ADAMTS17: variants seen among roughly 807,000 people sequenced by gnomAD.
ADAMTS17 encodes the protein A disintegrin and metalloproteinase with thrombospondin motifs 17.
A neutral mutation model predicts 141.5 loss-of-function variants in ADAMTS17; 113 were observed. The observed-to-expected ratio is 0.80, with a 90% CI of 0.69 to 0.93. The LOEUF is 0.93. Ranked by LOEUF, ADAMTS17 falls within the 40% of genes least tolerant of loss-of-function variation. ADAMTS17 has a pLI of 0.00. For missense variants in ADAMTS17, 1,659 were observed against 1,517.9 expected (o/e 1.09, Z -1.54); for synonymous variants, 768 against 630.6 (o/e 1.22, Z -3.27).
At chr15:100,323,367 G>T (rs1329286405) in intron 3 of ADAMTS17, among the ~76,000 whole-genome samples, 1 of 152,154 alleles carries the variant, frequency 6.6e-6, no homozygotes, top group African/African-American at 2.4e-5. Flanking sequence ...GTAAACTTGT[G>T]TCTAAATTCT....
chr15:100,164,074 G>C (rs1160479810), intron 8 of ADAMTS17, among the ~76,000 whole-genome samples: 1 of 152,160 alleles, frequency 6.6e-6, no homozygotes, highest in Non-Finnish European at 1.5e-5. Context: ...CAAGTTAACA[G>C]TATCAGGCAC....
chr15:100,175,550 C>CTA (rs1214186990), intron 8 of ADAMTS17, among the ~76,000 whole-genome samples: 2 of 152,190 alleles, frequency 1.3e-5, no homozygotes, highest in Non-Finnish European at 2.9e-5. Context: ...TGAACAGCAG[C>CTA]TGACTTCTAG....
At chr15:100,331,358 AT>A (rs1160931739) in intron 2 of ADAMTS17, among the ~76,000 whole-genome samples, 1 of 152,172 alleles carries the variant, frequency 6.6e-6, no homozygotes, top group Non-Finnish European at 1.5e-5. Flanking sequence ...TTTTAAAATT[AT>A]TTTTTAAGTT....
intron 4 of ADAMTS17, among the ~76,000 whole-genome samples, chr15:100,279,035 C>A (rs1380026571): frequency 1.3e-5 from 2 of 152,208 alleles, no homozygotes; most frequent in East Asian, 3.9e-4. Context: ...GCCCCAGCTA[C>A]ACAACTACCA....
intron 20 of ADAMTS17, chr15:99,979,519 A>C (rs1596142070): frequency 6.6e-6 from 1 of 152,412 alleles, no homozygotes; most frequent in East Asian, 1.9e-4. Flanking sequence ...ACGGAGCCGA[A>C]CGCTAAACGC....
chr15:99,998,748 G>A (rs1406406513), intron 18 of ADAMTS17, among the ~76,000 whole-genome samples: 2 of 152,156 alleles, frequency 1.3e-5, no homozygotes, highest in Admixed American at 6.5e-5. Flanking sequence ...CACACAAAGG[G>A]CTTCCAGTGC....
chr15:100,082,267 T>A (rs911883417), intron 15 of ADAMTS17, among the ~76,000 whole-genome samples: 1 of 152,212 alleles, frequency 6.6e-6, no homozygotes, highest in Non-Finnish European at 1.5e-5. Flanking sequence ...GGTTTTACCA[T>A]GTTAGCCAGG....
In ADAMTS17 at chr15:99,972,668, A is replaced by C. The variant is rs983885122; in HGVS notation, c.*1734T>G. On this transcript the variant is annotated 3_prime_UTR_variant, in exon 22 of 22. Coordinates refer to ENST00000268070, the MANE Select transcript of ADAMTS17 (RefSeq NM_139057.4). ...CGAGGGTGGGCCGCTCCATCCTGAC[A>C]CCCTCGGTTCTTTCCACAGAGCACC... 2 of 152,014 alleles carry C rather than the reference A, an allele frequency of 1.3e-5. No homozygotes were observed. Among genetic ancestry groups the C allele is most frequent in the East Asian group, 3.9e-4 (2 of 5,174 alleles). 9.4% of individuals were successfully genotyped at this position (152,014 alleles called of 1,614,324 possible). A position where few individuals can be genotyped will look rare whatever the true frequency, so the allele number is the denominator to read the frequency against.
At chr15:100,339,001 A>AG (rs1476389358) in intron 2 of ADAMTS17, 1 of 985,384 alleles carries the variant, frequency 1.0e-6, no homozygotes, top group Non-Finnish European at 1.2e-6. Flanking sequence ...GTACGTACAG[A>AG]GGGGGAAGTG....
intron 14 of ADAMTS17, among the ~76,000 whole-genome samples, chr15:100,097,362 C>G (rs993795243): frequency 1.5e-4 from 23 of 152,162 alleles, no homozygotes; most frequent in African/African-American, 4.6e-4. Context: ...ACTTCAGACT[C>G]CAAAGGGATC....
intron 15 of ADAMTS17, among the ~76,000 whole-genome samples, chr15:100,069,525 T>A (rs2033814416): frequency 1.3e-5 from 2 of 152,116 alleles, no homozygotes; most frequent in Admixed American, 1.3e-4. Context: ...GGGAAGCCCA[T>A]CAGACTAACA....
intron 7 of ADAMTS17, among the ~76,000 whole-genome samples, chr15:100,216,066 G>A (rs2041959649): frequency 6.6e-6 from 1 of 152,208 alleles, no homozygotes; most frequent in South Asian, 2.1e-4. Flanking sequence ...ACTGGGGTCT[G>A]CATTTGAGTC....
intron 10 of ADAMTS17, among the ~76,000 whole-genome samples, chr15:100,151,284 A>G (rs961005531): frequency 6.6e-6 from 1 of 152,234 alleles, no homozygotes; most frequent in African/African-American, 2.4e-5. Flanking sequence ...AACAGCCAGT[A>G]GGAGACAACA....
At chr15:100,077,885 T>C (rs1225882450) in intron 15 of ADAMTS17, among the ~76,000 whole-genome samples, 2 of 152,198 alleles carry the variant, frequency 1.3e-5, no homozygotes, top group African/African-American at 2.4e-5. Flanking sequence ...TTAAAAAACC[T>C]ATATGACAGA....
rs2030137362 is a variant in ADAMTS17, at chr15:100,031,271, C to T, written c.2591+17586G>A. Among the ~76,000 whole-genome samples the T allele has an allele frequency of 7.2e-5, 11 of 152,324 alleles. No homozygotes were observed. The South Asian group carries it at 2.3e-3, about 32-fold the overall frequency. On this transcript the variant is annotated intron_variant, in intron 18 of 21. Coordinates refer to ENST00000268070, the MANE Select transcript of ADAMTS17 (RefSeq NM_139057.4). The stretch of plus-strand genomic sequence containing the variant: ...CTACCGAACCTAACAAATTGCATGT[C>T]TTCCTGCCTCTACATGATAAGTAGA...
chr15:100,054,164 C>CCTGTGGA, intron 15 of ADAMTS17, 110 bp from the exon 16 acceptor site: 1 of 1,288,460 alleles, frequency 7.8e-7, no homozygotes, highest in Non-Finnish European at 1.1e-6. Flanking sequence ...CTCCCTTCCA[C>CCTGTGGA]AGGGGGAAGG....
At chr15:100,037,575 A>AT (rs1272976738) in intron 18 of ADAMTS17, among the ~76,000 whole-genome samples, 3 of 151,888 alleles carry the variant, frequency 2.0e-5, no homozygotes, top group Non-Finnish European at 2.9e-5. Context: ...CACCCAAGTA[A>AT]TTTTTTGTAT....
At chr15:100,063,567 G>T (rs2033282507) in intron 15 of ADAMTS17, 1 of 947,982 alleles carries the variant, frequency 1.1e-6, no homozygotes, top group Non-Finnish European at 1.5e-6. Context: ...TTACAACACA[G>T]GCGTGAAACC....
At chr15:100,307,318 C>T (rs1183898261) in intron 3 of ADAMTS17, among the ~76,000 whole-genome samples, 3 of 152,262 alleles carry the variant, frequency 2.0e-5, no homozygotes, top group Admixed American at 6.5e-5. Flanking sequence ...TTTGGTGTGA[C>T]GGGGTTCACA....
Sources: gnomAD v4.1 joint callset for allele counts (sites outside exome capture counted in the v4.1 genomes callset) on GRCh38, gnomAD v4.1.1 for gene constraint, MANE v1.5 for transcripts, NCBI Gene and HGNC (gene_info 2026-07-23, HGNC 2026-07-21) for gene names.